The following ARHGAP26 variants were observed in gnomAD, a reference collection of about 807,000 sequenced individuals.
The protein encoded by ARHGAP26 is Rho GTPase activating protein 26.
Under a neutral mutation model 104.8 loss-of-function variants are expected in ARHGAP26, and 38 were observed. That is an observed-to-expected ratio of 0.36 (90% CI 0.28 to 0.48). ARHGAP26 has a LOEUF of 0.48. Among genes scored for constraint, ARHGAP26 ranks in the 20% least tolerant of loss-of-function variants. The pLI, the probability that ARHGAP26 is intolerant of heterozygous loss-of-function variation, is 0.99. For synonymous variants in ARHGAP26, 341 were observed against 340.0 expected (o/e 1.00, Z -0.03); for missense variants, 704 against 947.9 (o/e 0.74, Z 3.38).
chr5:143,104,028 A>AG (rs924180063), intron 17 of ARHGAP26, among the ~76,000 whole-genome samples: 1 of 130,510 alleles, frequency 7.7e-6, no homozygotes, highest in African/African-American at 3.8e-5. Context: ...AGACCTAGAG[A>AG]AAAAAAAAAA....
intron 5 of ARHGAP26, among the ~76,000 whole-genome samples, 195 bp downstream of exon 5, chr5:142,885,594 T>A (rs1757587938): frequency 6.6e-6 from 1 of 152,150 alleles, no homozygotes; most frequent in African/African-American, 2.4e-5. Context: ...CCATCCTTTG[T>A]AGCCTTCCCG....
chr5:142,960,516 A>G (rs1770049834), intron 11 of ARHGAP26, among the ~76,000 whole-genome samples: 2 of 152,240 alleles, frequency 1.3e-5, no homozygotes, highest in Admixed American at 1.3e-4. Flanking sequence ...TTAGTCACCT[A>G]GTAGCCATCT....
intron 6 of ARHGAP26, among the ~76,000 whole-genome samples, chr5:142,894,809 A>G (rs1336537834): frequency 6.6e-6 from 1 of 152,194 alleles, no homozygotes; most frequent in African/African-American, 2.4e-5. Flanking sequence ...CACCCCATTC[A>G]GGTATTAAAA....
At chr5:143,119,151 G>A (rs1795840649) in intron 17 of ARHGAP26, among the ~76,000 whole-genome samples, 2 of 152,228 alleles carry the variant, frequency 1.3e-5, no homozygotes, top group South Asian at 4.1e-4. Flanking sequence ...GAGGTTCTTG[G>A]GTCAGGAACC....
chr5:143,133,933 T>C, intron 18 of ARHGAP26, 34 bp from the exon 19 acceptor site: 1 of 1,580,624 alleles, frequency 6.3e-7, no homozygotes, highest in Non-Finnish European at 8.6e-7. Context: ...AGTCCACAGA[T>C]GTGAGTAACC....
At chr5:142,844,146 G>A (rs929127722) in intron 1 of ARHGAP26, among the ~76,000 whole-genome samples, 13 of 151,082 alleles carry the variant, frequency 8.6e-5, no homozygotes, top group Admixed American at 7.9e-4. Flanking sequence ...CCACTTCTGG[G>A]TTTGAGCGAT....
At chr5:143,197,930 A>C (rs1187570435) in intron 20 of ARHGAP26, among the ~76,000 whole-genome samples, 1 of 152,210 alleles carries the variant, frequency 6.6e-6, no homozygotes, top group African/African-American at 2.4e-5. Context: ...ATAAATTCCT[A>C]ACAGTATAAA....
intron 17 of ARHGAP26, among the ~76,000 whole-genome samples, chr5:143,093,673 C>T (rs1791828161): frequency 6.6e-6 from 1 of 151,888 alleles, no homozygotes; most frequent in South Asian, 2.1e-4. Context: ...CTCTCTCTTT[C>T]CCCCTTTCTC....
intron 11 of ARHGAP26, among the ~76,000 whole-genome samples, chr5:142,965,495 A>G (rs1562169977): frequency 6.6e-6 from 1 of 152,204 alleles, no homozygotes; most frequent in Non-Finnish European, 1.5e-5. Context: ...TCCGGGCATA[A>G]CAGAAGGCTC....
At chr5:143,014,438 T>C (rs773308248) in intron 12 of ARHGAP26, 15 of 337,968 alleles carry the variant, frequency 4.4e-5, no homozygotes, top group Admixed American at 8.9e-5. Context: ...TAAAAGTTAC[T>C]TAATACAACA....
intron 1 of ARHGAP26, among the ~76,000 whole-genome samples, chr5:142,791,872 G>A (rs1023774262): frequency 1.4e-5 from 2 of 144,156 alleles, no homozygotes; most frequent in East Asian, 2.1e-4. Context: ...GCTGAGGGAC[G>A]AGAATCGCTT....
intron 4 of ARHGAP26, among the ~76,000 whole-genome samples, chr5:142,880,305 G>A (rs1479019682): frequency 2.0e-5 from 3 of 152,170 alleles, no homozygotes; most frequent in Admixed American, 6.5e-5. Flanking sequence ...AGATCACGAG[G>A]TCAGGAGTTC....
Position 142,920,710 on chromosome 5 carries a change from G to T in ARHGAP26, c.1028+7417G>T, listed in dbSNP as rs140386849. 6.6e-4 allele frequency among the ~76,000 whole-genome samples: 100 copies of T among 152,320 alleles called. 1 individual carries two copies. In the East Asian group the frequency reaches 0.018, roughly 27 times the overall value. On this transcript the variant is annotated intron_variant, in intron 10 of 22. Transcript: ENST00000645722. ...CTTAGAGATGGCAAGGATATTTAGT[G>T]CTGGAGTTGTAATAAGGGATAAGGC... is the stretch of plus-strand genomic sequence containing the variant.
intron 11 of ARHGAP26, among the ~76,000 whole-genome samples, chr5:142,961,118 T>C (rs1770154221): frequency 6.6e-6 from 1 of 152,202 alleles, no homozygotes; most frequent in Non-Finnish European, 1.5e-5. Flanking sequence ...TTAGACCTTA[T>C]CTAACCCACC....
chr5:143,150,285 G>A (rs1449205926), intron 20 of ARHGAP26, among the ~76,000 whole-genome samples: 1 of 152,208 alleles, frequency 6.6e-6, no homozygotes, highest in African/African-American at 2.4e-5. Flanking sequence ...GCTACCTGGG[G>A]TAAACCGGAA....
intron 1 of ARHGAP26, among the ~76,000 whole-genome samples, chr5:142,829,820 A>G (rs548786843): frequency 1.3e-5 from 2 of 152,250 alleles, no homozygotes; most frequent in East Asian, 1.9e-4. Flanking sequence ...AATGTTTTCC[A>G]CTCATGACAC....
At chr5:142,895,900 T>G (rs2152436081) in intron 6 of ARHGAP26, among the ~76,000 whole-genome samples, 1 of 152,352 alleles carries the variant, frequency 6.6e-6, no homozygotes, top group South Asian at 2.1e-4. Flanking sequence ...GAACTATAAT[T>G]TCTGGATACC....
chr5:143,042,081 G>A (rs1228977996), intron 14 of ARHGAP26, among the ~76,000 whole-genome samples, 191 bp downstream of exon 14: 1 of 152,174 alleles, frequency 6.6e-6, no homozygotes, highest in Non-Finnish European at 1.5e-5. Flanking sequence ...TTCTGAGTAG[G>A]ACTGGACAAA....
At chr5:143,199,599 A>G (rs1488147653) in intron 20 of ARHGAP26, among the ~76,000 whole-genome samples, 1 of 152,180 alleles carries the variant, frequency 6.6e-6, no homozygotes, top group Non-Finnish European at 1.5e-5. Context: ...GCCCCCTGTT[A>G]GTTTAATAGC....
Sources: gnomAD v4.1 joint callset for allele counts (sites outside exome capture counted in the v4.1 genomes callset) on GRCh38, gnomAD v4.1.1 for gene constraint, MANE v1.5 for transcripts, NCBI Gene and HGNC (gene_info 2026-07-23, HGNC 2026-07-21) for gene names.